Variants in LRIG3 observed in about 807,000 individuals in gnomAD.
LRIG3 encodes the protein leucine-rich repeats and immunoglobulin-like domains protein 3.
A neutral mutation model predicts 114.5 loss-of-function variants in LRIG3; 76 were observed. The ratio of observed to expected loss-of-function variants is 0.66; its 90% CI spans 0.55 to 0.80. The LOEUF is 0.80. LRIG3 is among the 30% of genes least tolerant of loss of function. LRIG3 has a pLI of 0.00. For missense variants in LRIG3, 1,239 were observed against 1,382.8 expected, an observed-to-expected ratio of 0.90 and a Z score of 1.65; for synonymous variants, 512 against 519.8, an observed-to-expected ratio of 0.98 and a Z score of 0.20.
At chr12:58,892,433 C>T (rs976203970) in intron 3 of LRIG3, among the ~76,000 whole-genome samples, 1 of 152,086 alleles carries the variant, frequency 6.6e-6, no homozygotes, top group Admixed American at 6.6e-5. Flanking sequence ...ATTTTTTGCA[C>T]CCAAAACTGG....
chr12:58,889,892 T>A, intron 5 of LRIG3, 104 bp downstream of exon 5: 1 of 1,395,764 alleles, frequency 7.2e-7, no homozygotes. Flanking sequence ...GGCAGCTACA[T>A]CCTTGCTCCT....
chr12:58,902,559 TTC>T (rs1053100855), intron 3 of LRIG3, among the ~76,000 whole-genome samples: 2 of 152,106 alleles, frequency 1.3e-5, no homozygotes, highest in African/African-American at 2.4e-5. Context: ...TAATTGCCTT[TTC>T]TCTTTTTTTT....
chr12:58,909,674 T>C (rs1215689350), intron 3 of LRIG3, among the ~76,000 whole-genome samples: 3 of 152,246 alleles, frequency 2.0e-5, no homozygotes, highest in Non-Finnish European at 4.4e-5. Context: ...CTCTATGAGA[T>C]AGACATCAGC....
Position 58,890,024 on chromosome 12 carries a change from T to A in LRIG3, c.631A>T (p.Met211Leu). The change falls in exon 5 of 19, where the codon ATG becomes TTG. Residue 211 changes from methionine (M) to leucine (L), a missense_variant. Physicochemically the swap from Met to Leu is conservative, Grantham distance 15. Coordinates refer to ENST00000320743, the MANE Select transcript of LRIG3 (RefSeq NM_153377.5). ...RNRISAIPPKMFKLPQLQHLE... is the reference protein window; with the variant it reads ...RNRISAIPPKLFKLPQLQHLE... ...TGTTGCAGTTGGGGCAGTTTAAACATCTTGGGTGGGATAGCTGAGATTCGG... is the reference window on the plus strand; with the variant it reads ...TGTTGCAGTTGGGGCAGTTTAAACAACTTGGGTGGGATAGCTGAGATTCGG... 1 of 1,613,806 alleles carries A rather than the reference T, an allele frequency of 6.2e-7. No homozygotes were observed. Among genetic ancestry groups the A allele is most frequent in the Non-Finnish European group, 8.5e-7 (1 of 1,179,794 alleles).
rs777241444 is a variant in LRIG3, at chr12:58,877,595, G to A, written c.2341C>T (p.Arg781Cys). 1.1e-5 allele frequency: 18 copies of A among 1,614,054 alleles called. No individual in the cohort carries two copies. Among genetic ancestry groups the A allele is most frequent in the Admixed American group, 6.7e-5 (4 of 60,002 alleles). ...NTLGTERGNVRLSVIPTPTCD... is the reference protein window; with the variant it reads ...NTLGTERGNVCLSVIPTPTCD... ...GTTGGAGTGGGGATCACACTGAGGC[G>A]CACGTTTCCTCTCTCAGTGCCAAGG... The change falls in exon 15 of 19, where the codon CGC (arginine) becomes TGC (cysteine). Residue 781 changes from arginine (R) to cysteine (C), a missense_variant. Coordinates refer to ENST00000320743, the MANE Select transcript of LRIG3 (RefSeq NM_153377.5).
At chr12:58,898,701 C>T (rs1871732656) in intron 3 of LRIG3, among the ~76,000 whole-genome samples, 1 of 152,128 alleles carries the variant, frequency 6.6e-6, no homozygotes, top group Non-Finnish European at 1.5e-5. Flanking sequence ...GCTCTGTTGC[C>T]ACGGTGGAGT....
At chr12:58,887,393 A>C (rs1333890646) in intron 8 of LRIG3, among the ~76,000 whole-genome samples, 1 of 152,220 alleles carries the variant, frequency 6.6e-6, no homozygotes, top group East Asian at 1.9e-4. Flanking sequence ...CTTAGGACAG[A>C]GATCAGGTTG....
chr12:58,919,631 T>A, intron 1 of LRIG3: 1 of 1,459,236 alleles, frequency 6.9e-7, no homozygotes, highest in Non-Finnish European at 9.1e-7. Flanking sequence ...TGCAAACTCC[T>A]GATGTGTGCA....
chr12:58,883,107 T>C lies in LRIG3; in HGVS notation c.1317-75A>G. On this transcript the variant is annotated intron_variant, in intron 11 of 18. Transcript: ENST00000320743. The stretch of plus-strand genomic sequence containing the variant: ...TACAAGTAAACTAAACCCAAGTAAA[T>C]ATTAACAAAGCAATGAATTTGGAAA... 2.8e-6 allele frequency: 4 copies of C among 1,425,902 alleles called. No individual in the cohort carries two copies. The Admixed American group carries it at 9.1e-5, about 33-fold the overall frequency. The allele number at this position is 1,425,902 out of a possible 1,614,324, so 88.3% of individuals were successfully genotyped here.
chr12:58,919,513 G>C (rs1592315401), intron 1 of LRIG3: 1 of 1,551,378 alleles, frequency 6.4e-7, no homozygotes, highest in Non-Finnish European at 8.7e-7. Context: ...TCTGTTGAGG[G>C]GGCTTCCCAA....
intron 3 of LRIG3, 104 bp downstream of exon 3, chr12:58,913,878 A>C: frequency 9.9e-7 from 1 of 1,013,706 alleles, no homozygotes; most frequent in Admixed American, 2.5e-5. Flanking sequence ...CCCTGAAAAA[A>C]ATATTCCATT....
chr12:58,910,478 T>C (rs926818574), intron 3 of LRIG3, among the ~76,000 whole-genome samples: 2 of 152,054 alleles, frequency 1.3e-5, no homozygotes, highest in Non-Finnish European at 1.5e-5. Context: ...CGTGGCAGCA[T>C]GCGCCTGTAG....
chr12:58,919,648 C>A, intron 1 of LRIG3: 1 of 1,381,604 alleles, frequency 7.2e-7, no homozygotes, highest in Non-Finnish European at 9.6e-7. Context: ...TGCAGGTTGC[C>A]GCTTATCTCC....
chr12:58,904,804 GGGT>G (rs1871998958), intron 3 of LRIG3, among the ~76,000 whole-genome samples: 1 of 152,136 alleles, frequency 6.6e-6, no homozygotes, highest in Non-Finnish European at 1.5e-5. Flanking sequence ...CTACATGCCA[GGGT>G]TGCAATGGAG....
At chr12:58,874,685 A>G (rs557622869) in intron 16 of LRIG3, 112 bp from the exon 17 acceptor site, 2 of 1,417,150 alleles carry the variant, frequency 1.4e-6, no homozygotes, top group South Asian at 1.4e-5. Flanking sequence ...AGAACATCAT[A>G]TAGACAAAAA....
chr12:58,881,019 T>C lies in LRIG3; in HGVS notation c.1481-118A>G, dbSNP rs1871111930. On this transcript the variant is annotated intron_variant, in intron 12 of 18. Transcript: ENST00000320743. Reference sequence around the variant, plus strand: ...TGGCTTAGGTTTTACCCTTTGTGTATGTTTTCCAGATGGACTAGCCGTCCC... The same window carrying C: ...TGGCTTAGGTTTTACCCTTTGTGTACGTTTTCCAGATGGACTAGCCGTCCC... 6 of 938,424 alleles carry C rather than the reference T, an allele frequency of 6.4e-6. No individual in the cohort carries two copies. In the East Asian group the frequency reaches 1.5e-4, roughly 23 times the overall value. The allele number at this position is 938,424 out of a possible 1,614,324, so 58.1% of individuals were successfully genotyped here.
chr12:58,916,977 G>A (rs1872502259), intron 1 of LRIG3, among the ~76,000 whole-genome samples: 1 of 152,096 alleles, frequency 6.6e-6, no homozygotes, highest in South Asian at 2.1e-4. Flanking sequence ...TGCTAATTCA[G>A]CACAAATCTG....
At chr12:58,888,712 T>C (rs1871354982) in intron 6 of LRIG3, 107 bp downstream of exon 6, 1 of 1,440,016 alleles carries the variant, frequency 6.9e-7, no homozygotes, top group African/African-American at 1.4e-5. Flanking sequence ...AATAAGATTG[T>C]GGATGATGAG....
chr12:58,875,205 T>C (rs1312946938), intron 16 of LRIG3, among the ~76,000 whole-genome samples: 1 of 152,200 alleles, frequency 6.6e-6, no homozygotes, highest in Non-Finnish European at 1.5e-5. Context: ...AGCCTCAGCA[T>C]CTAGGCAGCC....
Sources: gnomAD v4.1 joint callset for allele counts (sites outside exome capture counted in the v4.1 genomes callset) on GRCh38, gnomAD v4.1.1 for gene constraint, MANE v1.5 for transcripts, NCBI Gene and HGNC (gene_info 2026-07-23, HGNC 2026-07-21) for gene names.